The following NR6A1 variants were observed in gnomAD, a reference collection of about 807,000 sequenced individuals.
NR6A1 encodes the protein retinoic acid receptor-related testis-associated receptor.
In NR6A1, 7 loss-of-function variants were observed where a neutral mutation model predicts 59.1. That is an observed-to-expected ratio of 0.12 (90% confidence interval 0.07 to 0.22). The LOEUF is 0.22. NR6A1 is among the 10% of genes least tolerant of loss of function. The pLI is 1.00. For synonymous variants in NR6A1, 243 were observed against 236.1 expected (o/e 1.03, Z -0.27); for missense variants, 468 against 611.6 (o/e 0.77, Z 2.48).
rs199533116 is a variant in NR6A1 at position 124,554,317 on chromosome 9, G to A, written c.385+11C>T. 5 of 1,614,186 alleles carry A rather than the reference G, an allele frequency of 3.1e-6. No homozygotes were observed. Among genetic ancestry groups the A allele is most frequent in the East Asian group, 4.5e-5 (2 of 44,892 alleles). Reference sequence around the variant, plus strand: ...GAAGGATGGGCCATCAGAGCCATCAGCACCACTCACCCTTCCGGTTCATCC... The same window carrying A: ...GAAGGATGGGCCATCAGAGCCATCAACACCACTCACCCTTCCGGTTCATCC... On this transcript the variant is annotated intron_variant, in intron 3 of 9. Coordinates refer to ENST00000487099, the MANE Select transcript of NR6A1 (RefSeq NM_033334.4).
At chr9:124,547,866 T>C (rs1833646221) in intron 3 of NR6A1, among the ~76,000 whole-genome samples, 1 of 152,170 alleles carries the variant, frequency 6.6e-6, no homozygotes. Context: ...GTAATGTGAT[T>C]TCCTGAAGTG....
At chr9:124,589,084 C>A (rs373960038) in intron 2 of NR6A1, among the ~76,000 whole-genome samples, 1 of 152,112 alleles carries the variant, frequency 6.6e-6, no homozygotes, top group Admixed American at 6.5e-5. Flanking sequence ...TGCTCCCAGT[C>A]GAATAAAAGA....
intron 1 of NR6A1, among the ~76,000 whole-genome samples, chr9:124,748,461 A>C (rs1251460361): frequency 6.6e-6 from 1 of 152,248 alleles, no homozygotes; most frequent in Non-Finnish European, 1.5e-5. Flanking sequence ...CCCATTTTAC[A>C]GAAAGGAGAA....
intron 2 of NR6A1, among the ~76,000 whole-genome samples, chr9:124,560,647 G>A (rs905810503): frequency 1.8e-4 from 28 of 152,128 alleles, no homozygotes; most frequent in African/African-American, 6.0e-4. Context: ...TGCAACCTCC[G>A]CCTCCCAGGT....
intron 2 of NR6A1, among the ~76,000 whole-genome samples, chr9:124,651,474 C>G (rs1465580225): frequency 6.6e-6 from 1 of 152,178 alleles, no homozygotes; most frequent in Non-Finnish European, 1.5e-5. Flanking sequence ...TTTCCAAATA[C>G]TTATGGAAGA....
chr9:124,555,423 C>T (rs1833894715), intron 2 of NR6A1, among the ~76,000 whole-genome samples: 1 of 152,150 alleles, frequency 6.6e-6, no homozygotes, highest in African/African-American at 2.4e-5. Flanking sequence ...TTCAACCTCA[C>T]TCCTGAGTAA....
At chr9:124,579,711 T>A (rs12684307) in intron 2 of NR6A1, among the ~76,000 whole-genome samples, 5,812 of 152,168 alleles carry the variant, frequency 0.038, 323 homozygotes, top group African/African-American at 0.12. Flanking sequence ...TCTGATAGGT[T>A]CTTATAAAAT....
intron 2 of NR6A1, among the ~76,000 whole-genome samples, chr9:124,680,101 T>C (rs1232859545): frequency 6.6e-6 from 1 of 151,750 alleles, no homozygotes; most frequent in Non-Finnish European, 1.5e-5. Flanking sequence ...TGTGTGTGTG[T>C]GTGTGTGTGT....
chr9:124,560,026 G>A (rs1013875408), intron 2 of NR6A1, among the ~76,000 whole-genome samples: 11 of 152,122 alleles, frequency 7.2e-5, no homozygotes, highest in Admixed American at 7.2e-4. Context: ...TTTTATAACA[G>A]GAAAAACGGG....
intron 1 of NR6A1, among the ~76,000 whole-genome samples, chr9:124,758,272 C>T (rs1055992424): frequency 2.6e-5 from 4 of 152,210 alleles, no homozygotes; most frequent in African/African-American, 9.6e-5. Context: ...CTTCACCCCT[C>T]CCCCATGCAC....
intron 2 of NR6A1, among the ~76,000 whole-genome samples, chr9:124,709,106 T>A (rs1355961170): frequency 6.6e-6 from 1 of 152,180 alleles, no homozygotes; most frequent in Non-Finnish European, 1.5e-5. Context: ...CAGCAAATAA[T>A]TCCTAATTAA....
chr9:124,768,116 C>T (rs1564274425), intron 1 of NR6A1, among the ~76,000 whole-genome samples: 1 of 152,158 alleles, frequency 6.6e-6, no homozygotes, highest in African/African-American at 2.4e-5. Context: ...AGAATAAAAA[C>T]CATTCAAAGG....
At chr9:124,551,689 A>G (rs1244451761) in intron 3 of NR6A1, among the ~76,000 whole-genome samples, 3 of 152,224 alleles carry the variant, frequency 2.0e-5, no homozygotes, top group South Asian at 4.1e-4. Context: ...TTCATTTGTC[A>G]TAGTGTGCAT....
At chr9:124,759,779 AGTT>A (rs1288466478) in intron 1 of NR6A1, among the ~76,000 whole-genome samples, 4 of 152,180 alleles carry the variant, frequency 2.6e-5, no homozygotes, top group Admixed American at 6.5e-5. Flanking sequence ...TGTGGCTCAC[AGTT>A]GTTAATCCCA....
intron 9 of NR6A1, among the ~76,000 whole-genome samples, chr9:124,523,650 T>C (rs1401161607): frequency 6.6e-6 from 1 of 152,128 alleles, no homozygotes; most frequent in Non-Finnish European, 1.5e-5. Flanking sequence ...TAATATCTCA[T>C]GTGGTAAACT....
chr9:124,753,961 T>G (rs1840573965), intron 1 of NR6A1, among the ~76,000 whole-genome samples: 1 of 152,096 alleles, frequency 6.6e-6, no homozygotes. Context: ...CACTGAGAAG[T>G]CAAACCCTAA....
At chr9:124,580,819 C>CAAA (rs201190532) in intron 2 of NR6A1, among the ~76,000 whole-genome samples, 1 of 151,306 alleles carries the variant, frequency 6.6e-6, no homozygotes, top group Non-Finnish European at 1.5e-5. Context: ...GACTCCAACT[C>CAAA]AAAAAATAAT....
chr9:124,596,331 G>A (rs1339160294), intron 2 of NR6A1, among the ~76,000 whole-genome samples: 2 of 152,138 alleles, frequency 1.3e-5, no homozygotes, highest in African/African-American at 4.8e-5. Flanking sequence ...GCGTGCAGAA[G>A]TGGGATTCCC....
At chr9:124,690,141 G>A (rs980819303) in intron 2 of NR6A1, among the ~76,000 whole-genome samples, 2 of 152,166 alleles carry the variant, frequency 1.3e-5, no homozygotes, top group African/African-American at 4.8e-5. Flanking sequence ...GATGCTTCCT[G>A]CATGGTGCTT....
Sources: allele counts gnomAD v4.1 joint callset (sites outside exome capture counted in the v4.1 genomes callset), GRCh38; gene constraint gnomAD v4.1.1; transcripts MANE v1.5; gene names NCBI Gene and HGNC (gene_info 2026-07-23, HGNC 2026-07-21).